The following ALPL variants were observed in gnomAD, a reference collection of about 807,000 sequenced individuals.
The protein encoded by ALPL is alkaline phosphatase, biomineralization associated.
Under a neutral mutation model 51.3 loss-of-function variants are expected in ALPL, and 42 were observed. That is an observed-to-expected ratio of 0.82 (90% confidence interval 0.64 to 1.06). The LOEUF is 1.06. Ranked by LOEUF, ALPL falls within the 50% of genes least tolerant of loss-of-function variation. The pLI is 0.00. For missense variants in ALPL, 589 were observed against 709.4 expected (o/e 0.83, Z 1.93); for synonymous variants, 279 against 296.4 (o/e 0.94, Z 0.60).
rs1470367094 is a variant in ALPL, at chr1:21,577,727, G to A, written c.*79G>A. ...GGCAGCCCCCCCCTCAAGGGGCAGG[G>A]AGGTGGGGGCCTCCTCAGCCTCTGC... On this transcript the variant is annotated 3_prime_UTR_variant, in exon 12 of 12. Transcript: ENST00000374840. The A allele has an allele frequency of 2.0e-5, 30 of 1,522,936 alleles. No individual in the cohort carries two copies. The Middle Eastern group carries it at 6.7e-4, about 34-fold the overall frequency. The allele number at this position is 1,522,936 out of a possible 1,614,324, so 94.3% of individuals were successfully genotyped here.
At chr1:21,547,117 C>G (rs1466454085) in intron 1 of ALPL, among the ~76,000 whole-genome samples, 1 of 152,214 alleles carries the variant, frequency 6.6e-6, no homozygotes, top group Non-Finnish European at 1.5e-5. Flanking sequence ...GAACCTAGCA[C>G]AGAGATACTC....
intron 9 of ALPL, chr1:21,574,197 G>A: frequency 1.0e-6 from 1 of 985,430 alleles, no homozygotes; most frequent in East Asian, 1.1e-4. Flanking sequence ...CGCCGGCCAG[G>A]GGCCTTGCAG....
chr1:21,543,714 G>A (rs989181524), intron 1 of ALPL, among the ~76,000 whole-genome samples: 4 of 152,152 alleles, frequency 2.6e-5, no homozygotes, highest in African/African-American at 4.8e-5. Context: ...AGTGATTTTT[G>A]TGGCTCGGGG....
intron 4 of ALPL, 46 bp downstream of exon 4, chr1:21,561,258 C>T: frequency 6.7e-7 from 1 of 1,498,748 alleles, no homozygotes; most frequent in Non-Finnish European, 9.1e-7. Context: ...TATCCAGTAT[C>T]CAGGTCGAGC....
chr1:21,559,115 C>T (rs1644451187), intron 2 of ALPL, among the ~76,000 whole-genome samples: 1 of 152,134 alleles, frequency 6.6e-6, no homozygotes, highest in African/African-American at 2.4e-5. Context: ...AGAATTGTGT[C>T]CCCAGCCCAC....
chr1:21,551,194 A>G (rs563461161), intron 1 of ALPL: 17 of 152,250 alleles, frequency 1.1e-4, no homozygotes, highest in Admixed American at 9.8e-4. Context: ...AACCTTCCTT[A>G]GGGCACTGGC....
At chr1:21,556,327 G>A (rs1780327) in intron 2 of ALPL, among the ~76,000 whole-genome samples, 52,987 of 152,024 alleles carry the variant, frequency 0.35, 9,554 homozygotes, top group Middle Eastern at 0.44. Flanking sequence ...CCTTAAAACA[G>A]CTTCAGCAGA....
intron 2 of ALPL, 44 bp from the exon 3 acceptor site, chr1:21,560,582 G>A (rs749166431): frequency 1.9e-6 from 3 of 1,611,824 alleles, no homozygotes; most frequent in Non-Finnish European, 1.7e-6. Context: ...GGAGATAGGA[G>A]GCTATCCTTA....
At chr1:21,520,649 C>G (rs1392213510) in intron 1 of ALPL, among the ~76,000 whole-genome samples, 1 of 151,726 alleles carries the variant, frequency 6.6e-6, no homozygotes, top group Non-Finnish European at 1.5e-5. Flanking sequence ...TTATAGTAGA[C>G]ACGGGGTTTC....
rs1558542016 is a variant in ALPL, at chr1:21,552,106, T to TCCCCTCCCCTCC, written c.-104-1870_-104-1869insCCTCCCCTCCCC. Among the ~76,000 whole-genome samples the TCCCCTCCCCTCC allele has an allele frequency of 7.4e-4, 25 of 33,806 alleles. 2 individuals carry two copies. The highest frequency in any genetic ancestry group is 1.0e-3 in the Non-Finnish European group (20 of 19,836). 22.2% of individuals were successfully genotyped at this position (33,806 alleles called of 152,430 possible). ...TTTCTCCCTTCCCTTCCCTTCCCTT[T>TCCCCTCCCCTCC]CCTCCCCTTCCCTTTCCTCCCTCCC... On this transcript the variant is annotated intron_variant, in intron 1 of 11. Coordinates refer to ENST00000374840, the MANE Select transcript of ALPL (RefSeq NM_000478.6).
intron 4 of ALPL, among the ~76,000 whole-genome samples, chr1:21,561,666 CTTTTTTT>C (rs11296484): frequency 1.8e-5 from 2 of 112,408 alleles, no homozygotes; most frequent in African/African-American, 3.4e-5. Flanking sequence ...CTATATATGC[CTTTTTTT>C]TTTTTTTTTT....
intron 10 of ALPL, among the ~76,000 whole-genome samples, 185 bp from the exon 11 acceptor site, chr1:21,576,337 C>T (rs1644736970): frequency 6.7e-6 from 1 of 149,788 alleles, no homozygotes; most frequent in Admixed American, 6.7e-5. Flanking sequence ...GACATGGGTA[C>T]AATGAAAACT....
intron 9 of ALPL, chr1:21,574,233 C>T: frequency 1.0e-6 from 1 of 983,918 alleles, no homozygotes; most frequent in South Asian, 4.7e-5. Flanking sequence ...TGGCCTGGCG[C>T]TGCCATCTGC....
At chr1:21,537,477 G>C (rs927696870) in intron 1 of ALPL, among the ~76,000 whole-genome samples, 13 of 152,204 alleles carry the variant, frequency 8.5e-5, no homozygotes, top group African/African-American at 3.1e-4. Flanking sequence ...AAAGTACACA[G>C]GGAGCTGAGA....
chr1:21,523,604 C>A (rs535124142), intron 1 of ALPL, among the ~76,000 whole-genome samples: 1 of 152,286 alleles, frequency 6.6e-6, no homozygotes, highest in South Asian at 2.1e-4. Flanking sequence ...GGGCCCAGAC[C>A]GGTATTCAGG....
At chr1:21,521,803 G>C (rs1643885893) in intron 1 of ALPL, among the ~76,000 whole-genome samples, 1 of 152,164 alleles carries the variant, frequency 6.6e-6, no homozygotes, top group Non-Finnish European at 1.5e-5. Flanking sequence ...TTTGTTCACA[G>C]ATGTACCCCC....
rs78731862 is a variant in ALPL at position 21,569,883 on chromosome 1, C to T, written c.793-422C>T. On this transcript the variant is annotated intron_variant, in intron 7 of 11. Transcript: ENST00000374840. ...GCTTTGCTTCCTCCCTGGCCCTCCA[C>T]GGCCTCCAGAAAACAGCCCACACCT... Among the ~76,000 whole-genome samples, 335 of 152,304 alleles carry T rather than the reference C, an allele frequency of 2.2e-3. 2 individuals are homozygous for T. The highest frequency in any genetic ancestry group is 7.6e-3 in the African/African-American group (315 of 41,556).
rs766681196 is a variant in ALPL at position 21,526,924 on chromosome 1, A to G, written c.-105+17407A>G. Among the ~76,000 whole-genome samples the G allele has an allele frequency of 4.6e-4, 70 of 152,152 alleles. 1 individual carries two copies. The highest frequency in any genetic ancestry group is 5.0e-4 in the Non-Finnish European group (34 of 67,986). ...TTCAGTTTCCACACCCTTCACTGAC[A>G]TGCTCCCCTCAGCCCCCATGATGTC... On this transcript the variant is annotated intron_variant, in intron 1 of 11. Transcript: ENST00000374840.
rs116236714 is a variant in ALPL, at chr1:21,513,053, C to T, written c.-105+3536C>T. Among the ~76,000 whole-genome samples the T allele has an allele frequency of 1.6e-3, 243 of 151,766 alleles. 1 individual carries two copies. The highest frequency in any genetic ancestry group is 5.8e-3 in the African/African-American group (239 of 41,392). ...TTCTTTCCTGGCTGGTGTGGACTCG[C>T]CCTCTCTATTATTATTATTATTATT... On this transcript the variant is annotated intron_variant, in intron 1 of 11. Transcript: ENST00000374840.
Sources: gnomAD v4.1 joint callset for allele counts (sites outside exome capture counted in the v4.1 genomes callset) on GRCh38, gnomAD v4.1.1 for gene constraint, MANE v1.5 for transcripts, NCBI Gene and HGNC (gene_info 2026-07-23, HGNC 2026-07-21) for gene names.